The following TMPRSS9 variants were observed in gnomAD, a reference collection of about 807,000 sequenced individuals.
The protein encoded by TMPRSS9 is transmembrane protease serine 9.
In TMPRSS9, 113 loss-of-function variants were observed where a neutral mutation model predicts 111.4. The observed-to-expected ratio is 1.01, with a 90% confidence interval of 0.87 to 1.19. The LOEUF (loss-of-function observed/expected upper bound fraction) is 1.19. Among genes scored for constraint, TMPRSS9 ranks in the 50% most tolerant of loss-of-function variants. The pLI is 0.00. For missense variants in TMPRSS9, 1,803 were observed against 1,513.1 expected (o/e 1.19, Z -3.18); for synonymous variants, 805 against 659.1 (o/e 1.22, Z -3.39).
At chr19:2,397,755 A>G (rs918623555) in intron 2 of TMPRSS9, among the ~76,000 whole-genome samples, 1 of 151,566 alleles carries the variant, frequency 6.6e-6, no homozygotes, top group African/African-American at 2.4e-5. Context: ...TCCCACCATT[A>G]GTAAAAACAC....
intron 4 of TMPRSS9, among the ~76,000 whole-genome samples, chr19:2,400,603 G>C (rs1282955363): frequency 1.3e-5 from 2 of 152,000 alleles, no homozygotes; most frequent in African/African-American, 4.8e-5. Context: ...TATGCACCTG[G>C]TTTTAAAAAA....
At chr19:2,416,780 C>G (rs1184852006) in exon 12 of TMPRSS9, 1 of 1,611,774 alleles carries the variant, frequency 6.2e-7, no homozygotes, top group Non-Finnish European at 8.5e-7. Flanking sequence ...TGCATGATCT[C>G]CGGATGGGGA....
chr19:2,370,859 G>A (rs900701986), intron 1 of TMPRSS9, among the ~76,000 whole-genome samples: 2 of 152,104 alleles, frequency 1.3e-5, no homozygotes, highest in African/African-American at 4.8e-5. Context: ...CTACTCGGGA[G>A]GCTGAGGCAG....
intron 1 of TMPRSS9, among the ~76,000 whole-genome samples, chr19:2,395,049 G>A (rs553142859): frequency 6.6e-6 from 1 of 152,174 alleles, no homozygotes; most frequent in Non-Finnish European, 1.5e-5. Context: ...GGCAGGCTGA[G>A]GCGGGCAGAT....
intron 6 of TMPRSS9, 101 bp from the exon 8 acceptor site, chr19:2,405,273 C>A: frequency 7.0e-7 from 1 of 1,428,816 alleles, no homozygotes; most frequent in Non-Finnish European, 9.2e-7. Context: ...TCTCTTTGAA[C>A]TTAGGGACTG....
At chr19:2,416,853 G>GGGCCT (rs761124713) in intron 12 of TMPRSS9, 44 bp downstream of exon 13, 299 of 1,562,932 alleles carry the variant, frequency 1.9e-4, no homozygotes, top group Non-Finnish European at 2.2e-4. Flanking sequence ...TTATTCTCCA[G>GGGCCT]GGCCTGGCCT....
intron 13 of TMPRSS9, among the ~76,000 whole-genome samples, chr19:2,421,478 G>A (rs966132197): frequency 4.0e-5 from 6 of 151,638 alleles, no homozygotes; most frequent in Non-Finnish European, 5.9e-5. Flanking sequence ...TAGTAGAGAC[G>A]GGGTTTCACC....
At chr19:2,401,356 TTAA>T (rs1424328998) in intron 4 of TMPRSS9, among the ~76,000 whole-genome samples, 1 of 152,120 alleles carries the variant, frequency 6.6e-6, no homozygotes, top group African/African-American at 2.4e-5. Flanking sequence ...GGTCGAGGTC[TTAA>T]TAACCTCTGC....
At chr19:2,379,424 T>A (rs1201784465) in intron 1 of TMPRSS9, among the ~76,000 whole-genome samples, 1 of 151,816 alleles carries the variant, frequency 6.6e-6, no homozygotes, top group Admixed American at 6.6e-5. Flanking sequence ...TGACCTCGTG[T>A]TCTGCCCGCC....
At chr19:2,400,340 G>C (rs138775409) in intron 4 of TMPRSS9, among the ~76,000 whole-genome samples, 12,169 of 152,052 alleles carry the variant, frequency 0.08, 1,641 homozygotes, top group African/African-American at 0.28. Flanking sequence ...TCAGGAGTTC[G>C]AGACCAGCCT....
intron 1 of TMPRSS9, among the ~76,000 whole-genome samples, chr19:2,371,714 A>G (rs57906471): frequency 0.19 from 26,528 of 137,786 alleles, 3,603 homozygotes; most frequent in African/African-American, 0.46. Flanking sequence ...CAAAACCAAG[A>G]AAAAAAAAAA....
intron 1 of TMPRSS9, among the ~76,000 whole-genome samples, chr19:2,377,411 A>G (rs987630386): frequency 7.1e-6 from 1 of 140,622 alleles, no homozygotes; most frequent in South Asian, 2.4e-4. Flanking sequence ...CTGGTATTAC[A>G]GGCATGAGCC....
intron 15 of TMPRSS9, 37 bp from the exon 17 acceptor site, chr19:2,424,965 G>C (rs772622993): frequency 4.2e-6 from 6 of 1,435,056 alleles, no homozygotes; most frequent in Non-Finnish European, 5.5e-6. Flanking sequence ...GGGGGCGTGG[G>C]GGCTCGGGCC....
intron 16 of TMPRSS9, 31 bp from the exon 18 acceptor site, chr19:2,425,326 C>A: frequency 7.2e-7 from 1 of 1,379,912 alleles, no homozygotes; most frequent in Non-Finnish European, 9.4e-7. Flanking sequence ...ACGCGGTCCC[C>A]ACCCGCCCCG....
At chr19:2,369,936 A>C (rs1970275896) in intron 1 of TMPRSS9, among the ~76,000 whole-genome samples, 1 of 151,776 alleles carries the variant, frequency 6.6e-6, no homozygotes, top group Admixed American at 6.6e-5. Context: ...GCCCAAATGC[A>C]GTGGCTCATG....
intron 5 of TMPRSS9, among the ~76,000 whole-genome samples, chr19:2,402,698 A>G (rs531981338): frequency 2.0e-5 from 3 of 152,294 alleles, no homozygotes; most frequent in South Asian, 2.1e-4. Flanking sequence ...CGATTGTGCC[A>G]TTGCACTCCA....
At chr19:2,382,590 A>G (rs1479099947) in intron 1 of TMPRSS9, among the ~76,000 whole-genome samples, 3 of 117,946 alleles carry the variant, frequency 2.5e-5, no homozygotes, top group East Asian at 5.4e-4. Flanking sequence ...ACAGATGCAC[A>G]TGCACACACA....
At chr19:2,418,516 T>C (rs1258536471) in intron 13 of TMPRSS9, among the ~76,000 whole-genome samples, 9 of 14,176 alleles carry the variant, frequency 6.3e-4, no homozygotes, top group African/African-American at 2.0e-3. Flanking sequence ...TCCCTCCCTT[T>C]CCTTCCCTCT....
chr19:2,425,567 G>A, intron 17 of TMPRSS9, 74 bp downstream of exon 18: 2 of 1,425,256 alleles, frequency 1.4e-6, no homozygotes, highest in South Asian at 1.4e-5. Flanking sequence ...CTGCCACGAA[G>A]CCCACCATCC....
Sources: gnomAD v4.1 joint callset for allele counts (sites outside exome capture counted in the v4.1 genomes callset) on GRCh38, gnomAD v4.1.1 for gene constraint, MANE v1.5 for transcripts, NCBI Gene and HGNC (gene_info 2026-07-23, HGNC 2026-07-21) for gene names.